Variants in PPM1E observed in about 807,000 individuals in gnomAD.
PPM1E encodes the protein protein phosphatase 1E.
Under a neutral mutation model 65.9 loss-of-function variants are expected in PPM1E, and 20 were observed. The observed-to-expected ratio is 0.30, with a 90% CI of 0.21 to 0.44. The LOEUF (loss-of-function observed/expected upper bound fraction) is 0.44. PPM1E is among the 20% of genes least tolerant of loss of function. PPM1E has a pLI of 1.00. For synonymous variants in PPM1E, 352 were observed against 374.9 expected, an observed-to-expected ratio of 0.94 and a Z score of 0.70; for missense variants, 713 against 953.1, an observed-to-expected ratio of 0.75 and a Z score of 3.32.
chr17:58,898,062 C>T (rs2051445819), intron 1 of PPM1E, among the ~76,000 whole-genome samples: 1 of 151,872 alleles, frequency 6.6e-6, no homozygotes, highest in African/African-American at 2.4e-5. Context: ...AGTTTGAGAC[C>T]AGCATGGTGA....
At chr17:58,872,624 C>T (rs916428164) in intron 1 of PPM1E, among the ~76,000 whole-genome samples, 14 of 152,272 alleles carry the variant, frequency 9.2e-5, no homozygotes, top group African/African-American at 2.9e-4. Context: ...GGGCTGGTTG[C>T]TGAAGGGTCA....
At chr17:58,799,153 T>G (rs1180054744) in intron 1 of PPM1E, among the ~76,000 whole-genome samples, 1 of 152,246 alleles carries the variant, frequency 6.6e-6, no homozygotes, top group Non-Finnish European at 1.5e-5. Flanking sequence ...CCCATTGGAT[T>G]GCTTTGGTTC....
intron 1 of PPM1E, among the ~76,000 whole-genome samples, chr17:58,780,841 C>T (rs574340325): frequency 1.3e-5 from 2 of 152,108 alleles, no homozygotes; most frequent in African/African-American, 4.8e-5. Flanking sequence ...CTATGTTCCT[C>T]TAGATATTTA....
intron 1 of PPM1E, among the ~76,000 whole-genome samples, chr17:58,914,797 C>T (rs2051665823): frequency 6.6e-6 from 1 of 152,116 alleles, no homozygotes; most frequent in Admixed American, 6.5e-5. Context: ...TTACAATTTT[C>T]CATAGACTAA....
chr17:58,877,184 A>G (rs1400077677), intron 1 of PPM1E, among the ~76,000 whole-genome samples: 4 of 152,216 alleles, frequency 2.6e-5, no homozygotes, highest in Non-Finnish European at 5.9e-5. Flanking sequence ...TTTTGCTTTA[A>G]GATTTTACAA....
At chr17:58,862,587 T>A (rs1272729834) in intron 1 of PPM1E, among the ~76,000 whole-genome samples, 2 of 152,202 alleles carry the variant, frequency 1.3e-5, no homozygotes, top group African/African-American at 4.8e-5. Context: ...AAAATATAAT[T>A]GTCCTACCTT....
chr17:58,878,436 G>A (rs1291166659), intron 1 of PPM1E, among the ~76,000 whole-genome samples: 2 of 151,324 alleles, frequency 1.3e-5, no homozygotes, highest in African/African-American at 2.4e-5. Flanking sequence ...TAGAAATGGG[G>A]TTTCACTATG....
chr17:58,763,979 T>C (rs2049848404), intron 1 of PPM1E, among the ~76,000 whole-genome samples: 1 of 152,074 alleles, frequency 6.6e-6, no homozygotes. Flanking sequence ...GAGCCACATA[T>C]AGTTTAAAAT....
intron 1 of PPM1E, among the ~76,000 whole-genome samples, chr17:58,778,927 C>CATACATAT (rs964133373): frequency 1.9e-5 from 2 of 103,708 alleles, no homozygotes; most frequent in African/African-American, 3.5e-5. Context: ...ATGATACATA[C>CATACATAT]ATATATATAT....
chr17:58,796,581 T>A (rs1397736525), intron 1 of PPM1E, among the ~76,000 whole-genome samples: 2 of 151,346 alleles, frequency 1.3e-5, no homozygotes, highest in African/African-American at 4.9e-5. Flanking sequence ...CTATGGCACT[T>A]TAATTTGACA....
intron 1 of PPM1E, among the ~76,000 whole-genome samples, chr17:58,856,650 A>G (rs1598612943): frequency 6.6e-6 from 1 of 152,290 alleles, no homozygotes; most frequent in East Asian, 1.9e-4. Flanking sequence ...GTCTTAATCC[A>G]TTAGGATTGG....
At chr17:58,947,240 T>C (rs1259446565) in intron 1 of PPM1E, among the ~76,000 whole-genome samples, 2 of 139,776 alleles carry the variant, frequency 1.4e-5, no homozygotes, top group Non-Finnish European at 3.1e-5. Flanking sequence ...GGCCTTTTTT[T>C]TTTTTTTTTT....
At position 58,981,028 on chromosome 17, in the gene PPM1E, A is replaced by G. The variant is rs775146078; in HGVS notation, c.2265A>G (p.Glu755=). Residue 755 remains glutamate, a synonymous_variant, in exon 7 of 7, where the codon GAA becomes GAG. Coordinates refer to ENST00000308249, the MANE Select transcript of PPM1E (RefSeq NM_014906.5). ...CPDLPWSYKI[E] ...ATCTTCCTTGGAGCTATAAAATAGAATAATTTTTCTTTCAAGTAGGTTAGC... is the reference window on the plus strand; with the variant it reads ...ATCTTCCTTGGAGCTATAAAATAGAGTAATTTTTCTTTCAAGTAGGTTAGC... 2.5e-6 allele frequency: 4 copies of G among 1,579,566 alleles called. No individual in the cohort carries two copies. Among genetic ancestry groups the G allele is most frequent in the South Asian group, 1.2e-5 (1 of 85,072 alleles).
chr17:58,949,516 T>C (rs1356514234), intron 1 of PPM1E, among the ~76,000 whole-genome samples: 1 of 152,204 alleles, frequency 6.6e-6, no homozygotes, highest in African/African-American at 2.4e-5. Flanking sequence ...TTAACCATTT[T>C]ACATTCAAGA....
At chr17:58,756,849 C>T (rs926609407) in intron 1 of PPM1E, among the ~76,000 whole-genome samples, 3 of 152,242 alleles carry the variant, frequency 2.0e-5, no homozygotes, top group Non-Finnish European at 4.4e-5. Context: ...CCTCTTCTTC[C>T]CAGATCCCTT....
chr17:58,899,059 A>G (rs1331487244), intron 1 of PPM1E, among the ~76,000 whole-genome samples: 1 of 152,082 alleles, frequency 6.6e-6, no homozygotes, highest in Non-Finnish European at 1.5e-5. Flanking sequence ...CCTAATGTAA[A>G]TGATGAGTTG....
chr17:58,871,728 A>G (rs2051072032), intron 1 of PPM1E, among the ~76,000 whole-genome samples: 1 of 151,808 alleles, frequency 6.6e-6, no homozygotes, highest in African/African-American at 2.4e-5. Context: ...AGGTGAGTGA[A>G]TCATTTGGAC....
At chr17:58,905,467 G>T (rs142727749) in intron 1 of PPM1E, among the ~76,000 whole-genome samples, 1 of 152,180 alleles carries the variant, frequency 6.6e-6, no homozygotes, top group East Asian at 1.9e-4. Context: ...ATATGATCAT[G>T]TAATTTTTCT....
chr17:58,951,673 TAAA>T (rs201816613), intron 1 of PPM1E, among the ~76,000 whole-genome samples: 6 of 129,714 alleles, frequency 4.6e-5, no homozygotes, highest in Non-Finnish European at 6.5e-5. Context: ...AGACTCTCTT[TAAA>T]AAAAAAAAAA....
Sources: gnomAD v4.1 joint callset for allele counts (sites outside exome capture counted in the v4.1 genomes callset) on GRCh38, gnomAD v4.1.1 for gene constraint, MANE v1.5 for transcripts, NCBI Gene and HGNC (gene_info 2026-07-23, HGNC 2026-07-21) for gene names.